Variants in AGPAT4 observed in about 807,000 individuals in gnomAD.
The protein encoded by AGPAT4 is 1-acyl-sn-glycerol-3-phosphate acyltransferase delta.
A neutral mutation model predicts 48.0 loss-of-function variants in AGPAT4; 15 were observed. The ratio of observed to expected loss-of-function variants is 0.31; its 90% CI spans 0.21 to 0.48. The LOEUF (loss-of-function observed/expected upper bound fraction) is 0.48, where lower values mean the gene tolerates loss of function less well. Among genes scored for constraint, AGPAT4 ranks in the 20% least tolerant of loss-of-function variants. The probability of loss-of-function intolerance (pLI) is 0.99; values close to 1 mark genes in which losing one functional copy is unlikely to be tolerated. For missense variants in AGPAT4, 314 were observed against 482.5 expected (o/e 0.65, Z 3.27); for synonymous variants, 178 against 198.7 (o/e 0.90, Z 0.88).
Position 161,233,007 on chromosome 6 carries a change from C to A in AGPAT4, c.-89-705G>T, listed in dbSNP as rs1019615979. On this transcript the variant is annotated intron_variant, in intron 1 of 8. Coordinates refer to ENST00000320285, the MANE Select transcript of AGPAT4 (RefSeq NM_020133.3). The surrounding 1 kb of genome is among the most constrained non-coding windows in gnomAD (Gnocchi z 5.4). ...TTAGTGAAGGTACACGAGGGCTCAA[C>A]TTTGAGGCTATCAGTAAATACAAAT... Among the ~76,000 whole-genome samples, 28 of 152,028 alleles carry A rather than the reference C, an allele frequency of 1.8e-4. No homozygotes were observed. Among genetic ancestry groups the A allele is most frequent in the Admixed American group, 1.4e-3 (21 of 15,250 alleles).
rs1183966012 is a variant in AGPAT4 at position 161,130,383 on chromosome 6, T to C, written c.*6157A>G. 2 of 154,670 alleles carry C rather than the reference T, an allele frequency of 1.3e-5. No individual in the cohort carries two copies. Among genetic ancestry groups the C allele is most frequent in the Non-Finnish European group, 2.9e-5 (2 of 69,550 alleles). The allele number at this position is 154,670 out of a possible 1,614,324, so 9.6% of individuals were successfully genotyped here. On this transcript the variant is annotated 3_prime_UTR_variant, in exon 9 of 9. Coordinates refer to ENST00000320285, the MANE Select transcript of AGPAT4 (RefSeq NM_020133.3). ...CTTTTATGTACTGAAAAGTCATCCA[T>C]TGAATGGTCTGTTCCTGAATGTCGC...
rs548659681 is a variant in AGPAT4 at position 161,245,908 on chromosome 6, A to C, written c.-89-13606T>G. Among the ~76,000 whole-genome samples the C allele has an allele frequency of 2.4e-4, 37 of 152,330 alleles. No homozygotes were observed. Among genetic ancestry groups the C allele is most frequent in the African/African-American group, 8.7e-4 (36 of 41,576 alleles). On this transcript the variant is annotated intron_variant, in intron 1 of 8. Coordinates refer to ENST00000320285, the MANE Select transcript of AGPAT4 (RefSeq NM_020133.3). This position sits in a 1 kb window ranked among gnomAD's most constrained non-coding sequence, Gnocchi z 5.2. ...GGACCTGAAGAGAGACTTATTAGAA[A>C]ACAAATGCACTTAAATGCTTTTCTG...
In AGPAT4 at chr6:161,231,613, T is replaced by A. The variant is rs1447717863; in HGVS notation, c.178+423A>T. Among the ~76,000 whole-genome samples, 1 of 152,124 alleles carries A rather than the reference T, an allele frequency of 6.6e-6. No homozygotes were observed. Among genetic ancestry groups the A allele is most frequent in the Non-Finnish European group, 1.5e-5 (1 of 68,022 alleles). On this transcript the variant is annotated intron_variant, in intron 2 of 8. Transcript: ENST00000320285. The surrounding 1 kb of genome is among the most constrained non-coding windows in gnomAD (Gnocchi z 5.3). ...AGGCAAGGAAGAAAACAATATAGTA[T>A]ACTGCCACTTAGTTTTTTAAAAAAA... is the stretch of plus-strand genomic sequence containing the variant.
chr6:161,163,246 T>C (rs896367629), intron 3 of AGPAT4, among the ~76,000 whole-genome samples: 2 of 152,260 alleles, frequency 1.3e-5, no homozygotes, highest in Non-Finnish European at 2.9e-5. Flanking sequence ...TTTAAACTCA[T>C]TTCCTCTTGG....
At chr6:161,260,298 A>G (rs1582917209) in intron 1 of AGPAT4, among the ~76,000 whole-genome samples, 2 of 152,338 alleles carry the variant, frequency 1.3e-5, no homozygotes, top group East Asian at 3.9e-4. Flanking sequence ...GGAAAGCAAG[A>G]TAAGAAATTC....
chr6:161,211,092 C>G (rs1781511301), intron 2 of AGPAT4, among the ~76,000 whole-genome samples: 1 of 152,154 alleles, frequency 6.6e-6, no homozygotes, highest in African/African-American at 2.4e-5. Flanking sequence ...AAATCTTTTT[C>G]ACGGTCTCAG....
rs1358662435 is a variant in AGPAT4, at chr6:161,262,100, G to T, written c.-90+11838C>A. Among the ~76,000 whole-genome samples the T allele has an allele frequency of 2.0e-5, 3 of 152,068 alleles. No individual in the cohort carries two copies. The highest frequency in any genetic ancestry group is 7.2e-5 in the African/African-American group (3 of 41,402). On this transcript the variant is annotated intron_variant, in intron 1 of 8. Transcript: ENST00000320285. This position sits in a 1 kb window ranked among gnomAD's most constrained non-coding sequence, Gnocchi z 4.9. ...TCACTGTGCCATCACCACAGCCTGG[G>T]CCCTGGCTCTGGGTTTCTTTTTTTT... is the stretch of plus-strand genomic sequence containing the variant.
Position 161,248,571 on chromosome 6 carries a change from CA to C in AGPAT4, c.-89-16270del, listed in dbSNP as rs35527158. Reference sequence around the variant, plus strand: ...CCTGGGTGACAGCGAGACTCTGTCTCAAAAAAAAAAAAAAAAAAAAAAACTA... The same window carrying C: ...CCTGGGTGACAGCGAGACTCTGTCTCAAAAAAAAAAAAAAAAAAAAAACTA... On this transcript the variant is annotated intron_variant, in intron 1 of 8. Transcript: ENST00000320285. Among the ~76,000 whole-genome samples the C allele has an allele frequency of 5.1e-3, 323 of 63,690 alleles. 1 individual carries two copies. Among genetic ancestry groups the C allele is most frequent in the African/African-American group, 0.012 (161 of 13,816 alleles). 41.8% of individuals were successfully genotyped at this position (63,690 alleles called of 152,430 possible).
In AGPAT4 at chr6:161,139,336, A is replaced by G; in HGVS notation, c.1042+86T>C. 2.1e-6 allele frequency: 3 copies of G among 1,453,742 alleles called. No homozygotes were observed. The South Asian group carries it at 3.7e-5, about 18-fold the overall frequency. 90.1% of individuals were successfully genotyped at this position (1,453,742 alleles called of 1,614,324 possible). A position where few individuals can be genotyped will look rare whatever the true frequency, so the allele number is the denominator to read the frequency against. On this transcript the variant is annotated intron_variant, in intron 8 of 8. Coordinates refer to ENST00000320285, the MANE Select transcript of AGPAT4 (RefSeq NM_020133.3). This position sits in a 1 kb window ranked among gnomAD's most constrained non-coding sequence, Gnocchi z 9.1. ...CTCCTCATCCACGGCACAACTGCCT[A>G]TACAGATGGCCTTCGTCCCAGCCCT...
rs998052241 is a variant in AGPAT4 at position 161,255,051 on chromosome 6, A to C, written c.-90+18887T>G. ...TACGGTTACACAGCCCTTCTGAAGC[A>C]AAGATACACTAAGTCTAGACAGGCC... On this transcript the variant is annotated intron_variant, in intron 1 of 8. Coordinates refer to ENST00000320285, the MANE Select transcript of AGPAT4 (RefSeq NM_020133.3). The surrounding 1 kb of genome is among the most constrained non-coding windows in gnomAD (Gnocchi z 4.7). Among the ~76,000 whole-genome samples, 1 of 152,212 alleles carries C rather than the reference A, an allele frequency of 6.6e-6. No individual in the cohort carries two copies. The highest frequency in any genetic ancestry group is 1.5e-5 in the Non-Finnish European group (1 of 68,040).
In AGPAT4 at chr6:161,214,979, C is replaced by T. The variant is rs191957877; in HGVS notation, c.178+17057G>A. On this transcript the variant is annotated intron_variant, in intron 2 of 8. Transcript: ENST00000320285. The surrounding 1 kb of genome is among the most constrained non-coding windows in gnomAD (Gnocchi z 5.4). ...ATAAGACTGAGACAAAGGCAACAGG[C>T]CCATCTGCAGTTTCAAAAAATCAGA... 1.4e-3 allele frequency among the ~76,000 whole-genome samples: 212 copies of T among 152,212 alleles called. No homozygotes were observed. Among genetic ancestry groups the T allele is most frequent in the African/African-American group, 5.0e-3 (208 of 41,534 alleles).
intron 7 of AGPAT4, among the ~76,000 whole-genome samples, chr6:161,145,655 C>A (rs923503918): frequency 6.6e-6 from 1 of 151,530 alleles, no homozygotes; most frequent in Non-Finnish European, 1.5e-5. Context: ...GGTTAAAGTT[C>A]TTATTCAGCT....
chr6:161,247,450 C>G (rs550236376), intron 1 of AGPAT4, among the ~76,000 whole-genome samples: 1 of 152,080 alleles, frequency 6.6e-6, no homozygotes, highest in South Asian at 2.1e-4. Flanking sequence ...CTCCCCTTTG[C>G]TAGATAAAAC....
At chr6:161,151,636 C>G (rs925196065) in intron 5 of AGPAT4, among the ~76,000 whole-genome samples, 2 of 152,244 alleles carry the variant, frequency 1.3e-5, no homozygotes, top group Non-Finnish European at 1.5e-5. Flanking sequence ...CCCAGCTTTT[C>G]TCATTTAATC....
At position 161,134,894 on chromosome 6, in the gene AGPAT4, G is replaced by A. The variant is rs114048261; in HGVS notation, c.*1646C>T. On this transcript the variant is annotated 3_prime_UTR_variant, in exon 9 of 9. Coordinates refer to ENST00000320285, the MANE Select transcript of AGPAT4 (RefSeq NM_020133.3). Reference sequence around the variant, plus strand: ...TCCCATCAAGCCTGCCTGCAGGGCCGCCAGCGAGTTAACTCAGGCCCTAGG... The same window carrying A: ...TCCCATCAAGCCTGCCTGCAGGGCCACCAGCGAGTTAACTCAGGCCCTAGG... The A allele has an allele frequency of 0.012, 1,882 of 152,398 alleles. 34 individuals carry two copies. The highest frequency in any genetic ancestry group is 0.043 in the African/African-American group (1,785 of 41,576). 9.4% of individuals were successfully genotyped at this position (152,398 alleles called of 1,614,324 possible).
Position 161,219,276 on chromosome 6 carries a change from G to T in AGPAT4, c.178+12760C>A, listed in dbSNP as rs1781736637. Among the ~76,000 whole-genome samples, 1 of 151,542 alleles carries T rather than the reference G, an allele frequency of 6.6e-6. No homozygotes were observed. Among genetic ancestry groups the T allele is most frequent in the South Asian group, 2.1e-4 (1 of 4,794 alleles). ...AAAAAAAATTAAATATGCACCATTA[G>T]CATATACAACTTTTATATATGTAAA... On this transcript the variant is annotated intron_variant, in intron 2 of 8. Coordinates refer to ENST00000320285, the MANE Select transcript of AGPAT4 (RefSeq NM_020133.3). The surrounding 1 kb of genome is among the most constrained non-coding windows in gnomAD (Gnocchi z 4.9).
chr6:161,216,984 T>G lies in AGPAT4; in HGVS notation c.178+15052A>C, dbSNP rs1781664153. Among the ~76,000 whole-genome samples the G allele has an allele frequency of 6.6e-6, 1 of 152,238 alleles. No individual in the cohort carries two copies. The highest frequency in any genetic ancestry group is 2.4e-5 in the African/African-American group (1 of 41,464). On this transcript the variant is annotated intron_variant, in intron 2 of 8. Coordinates refer to ENST00000320285, the MANE Select transcript of AGPAT4 (RefSeq NM_020133.3). This position sits in a 1 kb window ranked among gnomAD's most constrained non-coding sequence, Gnocchi z 4.8. ...TTGACTTTCCCCTCACACGTGGCTCTGATTCACCTTTGCTCACCTGCTGAT... is the reference window on the plus strand; with the variant it reads ...TTGACTTTCCCCTCACACGTGGCTCGGATTCACCTTTGCTCACCTGCTGAT...
rs572793641 is a variant in AGPAT4, at chr6:161,198,016, A to C, written c.179-31599T>G. 3.9e-4 allele frequency among the ~76,000 whole-genome samples: 59 copies of C among 151,556 alleles called. No individual in the cohort carries two copies. Among genetic ancestry groups the C allele is most frequent in the Middle Eastern group, 3.4e-3 (1 of 292 alleles). Reference sequence around the variant, plus strand: ...GCATTTTCTATTTCTGTTTCCCCCAACTCTTCTTCAGTCTCTCATACTTCA... The same window carrying C: ...GCATTTTCTATTTCTGTTTCCCCCACCTCTTCTTCAGTCTCTCATACTTCA... On this transcript the variant is annotated intron_variant, in intron 2 of 8. Coordinates refer to ENST00000320285, the MANE Select transcript of AGPAT4 (RefSeq NM_020133.3). This position sits in a 1 kb window ranked among gnomAD's most constrained non-coding sequence, Gnocchi z 4.3.
chr6:161,152,135 G>A (rs1448370956), intron 5 of AGPAT4, among the ~76,000 whole-genome samples: 1 of 152,190 alleles, frequency 6.6e-6, no homozygotes. Context: ...AGGATGTTGT[G>A]GGGATTGAAG....
Sources: allele counts gnomAD v4.1 joint callset (sites outside exome capture counted in the v4.1 genomes callset), GRCh38; gene constraint gnomAD v4.1.1; non-coding constraint Gnocchi (gnomAD v3.1); transcripts MANE v1.5; gene names NCBI Gene and HGNC (gene_info 2026-07-23, HGNC 2026-07-21).